SYCP2: variants seen among roughly 807,000 people sequenced by gnomAD.
SYCP2 encodes the protein synaptonemal complex protein 2, also known as synaptonemal complex lateral element protein.
SYCP2 carries 55 observed loss-of-function variants against 211.3 expected under a neutral mutation model. The observed-to-expected ratio is 0.26, with a 90% confidence interval of 0.21 to 0.33. The LOEUF (loss-of-function observed/expected upper bound fraction) is 0.33. Ranked by LOEUF, SYCP2 falls within the 10% of genes least tolerant of loss-of-function variation. SYCP2 has a pLI of 1.00. For synonymous variants in SYCP2, 570 were observed against 555.2 expected (o/e 1.03, Z -0.37); for missense variants, 1,731 against 1,752.0 (o/e 0.99, Z 0.21).
rs1209287044 is a variant in SYCP2 at position 59,907,357 on chromosome 20, T to C, written c.1033+7A>G. On this transcript the variant is annotated splice_region_variant and intron_variant, in intron 15 of 44. Coordinates refer to ENST00000357552, the MANE Select transcript of SYCP2 (RefSeq NM_014258.4). ...AGAAAATTATTAGAAAAAAACAAGT[T>C]TAATACCTTCAATGCTGTATATTTG... 2 of 1,580,428 alleles carry C rather than the reference T, an allele frequency of 1.3e-6. No homozygotes were observed. The highest frequency in any genetic ancestry group is 3.4e-5 in the Admixed American group (2 of 58,852).
intron 24 of SYCP2, among the ~76,000 whole-genome samples, chr20:59,887,108 C>T (rs1349041773): frequency 3.3e-5 from 5 of 152,074 alleles, no homozygotes; most frequent in Non-Finnish European, 7.4e-5. Context: ...CCCATTAACT[C>T]GTCATTTACA....
rs1555878445 is a variant in SYCP2, at chr20:59,893,152, C to T, written c.1783G>A (p.Asp595Asn). 6.2e-7 allele frequency: 1 copy of T among 1,601,046 alleles called. No homozygotes were observed. The highest frequency in any genetic ancestry group is 1.7e-5 in the Admixed American group (1 of 59,552). The change falls in exon 22 of 45, where the codon GAT (aspartate) becomes AAT (asparagine). Residue 595 changes from aspartate (D) to asparagine (N), a missense_variant. By Grantham distance (23) the Asp-to-Asn change is conservative (BLOSUM62 1). Coordinates refer to ENST00000357552, the MANE Select transcript of SYCP2 (RefSeq NM_014258.4). ...TTTTCTCATACTTACATAGTATGAT[C>T]TCTTTTTTCCGCTGCCTGTGAATCT... is the stretch of plus-strand genomic sequence containing the variant. ...IPDSQAAEKRDHTILPGVLDN... is the reference protein window; with the variant it reads ...IPDSQAAEKRNHTILPGVLDN...
intron 2 of SYCP2, among the ~76,000 whole-genome samples, chr20:59,929,359 T>C (rs999464198): frequency 6.8e-4 from 104 of 152,296 alleles, no homozygotes; most frequent in Middle Eastern, 3.4e-3. Context: ...TGGGTAAAAA[T>C]GTAAACTTGA....
intron 24 of SYCP2, 41 bp from the exon 25 acceptor site, chr20:59,886,875 A>T (rs1163003368): frequency 5.4e-6 from 8 of 1,479,484 alleles, no homozygotes; most frequent in Non-Finnish European, 7.2e-6. Flanking sequence ...CTACCAGTTA[A>T]TCTTTAAAGG....
chr20:59,864,786 CTTTG>C (rs1457307040), intron 44 of SYCP2, among the ~76,000 whole-genome samples: 2 of 152,022 alleles, frequency 1.3e-5, no homozygotes, highest in Non-Finnish European at 2.9e-5. Flanking sequence ...GAGGTTCTAT[CTTTG>C]TAAGTACATT....
intron 14 of SYCP2, among the ~76,000 whole-genome samples, chr20:59,908,405 G>A (rs1159738479): frequency 1.3e-5 from 2 of 152,026 alleles, no homozygotes; most frequent in African/African-American, 4.8e-5. Context: ...ACACCCTGAT[G>A]ACATCACCAC....
intron 24 of SYCP2, 42 bp downstream of exon 24, chr20:59,891,948 A>T: frequency 6.8e-7 from 1 of 1,472,854 alleles, no homozygotes; most frequent in Non-Finnish European, 9.1e-7. Context: ...TCAAGTAGGC[A>T]TCTTATGGAT....
At chr20:59,900,387 T>G in intron 17 of SYCP2, 103 bp from the exon 18 acceptor site, 5 of 1,019,664 alleles carry the variant, frequency 4.9e-6, no homozygotes, top group Non-Finnish European at 6.9e-6. Flanking sequence ...ACATATTCAA[T>G]TATTTCCCTT....
intron 26 of SYCP2, among the ~76,000 whole-genome samples, chr20:59,885,665 C>T (rs551477409): frequency 5.5e-4 from 83 of 152,038 alleles, no homozygotes; most frequent in African/African-American, 2.0e-3. Flanking sequence ...CGCGCGCACG[C>T]GCGATAAGGA....
In SYCP2 at chr20:59,915,780, T is replaced by C. The variant is rs371240931; in HGVS notation, c.514-230A>G. On this transcript the variant is annotated intron_variant, in intron 8 of 44. Transcript: ENST00000357552. ...AGGCCAAGGCGGGCGGATCACTTGATGTCAGGAGTTCGAGATCAGCCTGGC... is the reference window on the plus strand; with the variant it reads ...AGGCCAAGGCGGGCGGATCACTTGACGTCAGGAGTTCGAGATCAGCCTGGC... The C allele has an allele frequency of 8.8e-4, 258 of 291,746 alleles. 5 individuals carry two copies. The South Asian group carries it at 0.017, about 20-fold the overall frequency. 18.1% of individuals were successfully genotyped at this position (291,746 alleles called of 1,614,324 possible). A position where few individuals can be genotyped will look rare whatever the true frequency, so the allele number is the denominator to read the frequency against.
chr20:59,885,657 C>T (rs1463068581), intron 26 of SYCP2, among the ~76,000 whole-genome samples: 1 of 146,232 alleles, frequency 6.8e-6, no homozygotes, highest in African/African-American at 2.4e-5. Flanking sequence ...CACACACACG[C>T]GCGCACGCGC....
At chr20:59,894,002 A>G (rs545959967) in intron 20 of SYCP2, among the ~76,000 whole-genome samples, 1 of 152,046 alleles carries the variant, frequency 6.6e-6, no homozygotes, top group African/African-American at 2.4e-5. Context: ...TTATCATCAG[A>G]TATCGAAGAG....
chr20:59,894,458 T>C (rs1267790994), intron 20 of SYCP2, among the ~76,000 whole-genome samples: 1 of 151,986 alleles, frequency 6.6e-6, no homozygotes, highest in Non-Finnish European at 1.5e-5. Context: ...TATCTTCAAC[T>C]CTCATACCCT....
intron 14 of SYCP2, among the ~76,000 whole-genome samples, chr20:59,908,542 T>C (rs1477284555): frequency 2.0e-5 from 3 of 152,214 alleles, no homozygotes; most frequent in Non-Finnish European, 4.4e-5. Flanking sequence ...AATATCTCAG[T>C]TGGCATACTC....
chr20:59,913,367 A>G (rs1246596942), intron 12 of SYCP2, among the ~76,000 whole-genome samples: 43 of 152,122 alleles, frequency 2.8e-4, no homozygotes, highest in Non-Finnish European at 1.5e-5. Context: ...CAATACCGTT[A>G]ATTTCTTTAG....
intron 2 of SYCP2, among the ~76,000 whole-genome samples, chr20:59,930,403 GAA>G (rs1281432287): frequency 6.6e-6 from 1 of 151,544 alleles, no homozygotes; most frequent in Non-Finnish European, 1.5e-5. Context: ...TTAGGTAAGA[GAA>G]AAGAGATATT....
intron 3 of SYCP2, 126 bp from the exon 4 acceptor site, chr20:59,921,579 C>A: frequency 1.8e-6 from 1 of 563,326 alleles, no homozygotes. Flanking sequence ...TATTAATTCA[C>A]GTATTTTTTA....
chr20:59,927,218 C>T (rs138746331), intron 2 of SYCP2, among the ~76,000 whole-genome samples: 82 of 152,216 alleles, frequency 5.4e-4, no homozygotes, highest in African/African-American at 1.9e-3. Flanking sequence ...ATTCTGGACA[C>T]TTAAATCTTT....
intron 7 of SYCP2, 117 bp from the exon 8 acceptor site, chr20:59,916,688 C>T: frequency 1.5e-6 from 1 of 669,418 alleles, no homozygotes; most frequent in South Asian, 1.9e-5. Context: ...GCCTATAATC[C>T]TAGCACTTTG....
Sources: allele counts gnomAD v4.1 joint callset (sites outside exome capture counted in the v4.1 genomes callset), GRCh38; gene constraint gnomAD v4.1.1; transcripts MANE v1.5; gene names NCBI Gene and HGNC (gene_info 2026-07-23, HGNC 2026-07-21).